The following CDK7 variants were observed in gnomAD, a reference collection of about 807,000 sequenced individuals.
The protein encoded by CDK7 is cyclin dependent kinase 7, also known as cyclin-dependent kinase 7.
Under a neutral mutation model 49.1 loss-of-function variants are expected in CDK7, and 25 were observed. The ratio of observed to expected loss-of-function variants is 0.51; its 90% CI spans 0.37 to 0.71. The LOEUF (loss-of-function observed/expected upper bound fraction) is 0.71, where lower values mean the gene tolerates loss of function less well. Ranked by LOEUF, CDK7 falls within the 30% of genes least tolerant of loss-of-function variation. The pLI is 0.00. For synonymous variants in CDK7, 107 were observed against 140.0 expected, an observed-to-expected ratio of 0.76 and a Z score of 1.67; for missense variants, 316 against 411.7, an observed-to-expected ratio of 0.77 and a Z score of 2.01.
At chr5:69,264,139 A>T (rs954418934) in intron 8 of CDK7, among the ~76,000 whole-genome samples, 1 of 152,180 alleles carries the variant, frequency 6.6e-6, no homozygotes, top group African/African-American at 2.4e-5. Context: ...CTAAAAAGAA[A>T]CTTGGAAAAA....
chr5:69,237,397 G>T (rs967553891), intron 2 of CDK7, among the ~76,000 whole-genome samples: 1 of 152,128 alleles, frequency 6.6e-6, no homozygotes, highest in Non-Finnish European at 1.5e-5. Flanking sequence ...TTCTTGGTTG[G>T]TATATTTTCC....
At chr5:69,259,763 TAC>T (rs1242446525) in intron 6 of CDK7, 53 bp from the exon 7 acceptor site, 6 of 1,092,720 alleles carry the variant, frequency 5.5e-6, no homozygotes, top group Non-Finnish European at 8.4e-6. Context: ...AATGTAGCAC[TAC>T]AGTGTTCTCC....
intron 8 of CDK7, among the ~76,000 whole-genome samples, chr5:69,264,181 C>T (rs573759418): frequency 2.0e-5 from 3 of 152,156 alleles, no homozygotes; most frequent in East Asian, 3.9e-4. Flanking sequence ...GAAAATTCAC[C>T]GCCCCCAGCC....
chr5:69,259,157 A>G, intron 6 of CDK7, among the ~76,000 whole-genome samples: 1 of 152,124 alleles, frequency 6.6e-6, no homozygotes, highest in East Asian at 1.9e-4. Context: ...GGAAAAAAAT[A>G]TAGAGATGGT....
chr5:69,268,880 C>T (rs1435300268), intron 8 of CDK7, among the ~76,000 whole-genome samples: 3 of 149,716 alleles, frequency 2.0e-5, no homozygotes, highest in Non-Finnish European at 3.0e-5. Context: ...TGGTGGCTCA[C>T]GCCTGTAATC....
chr5:69,244,812 CA>C (rs1749628659), intron 2 of CDK7, among the ~76,000 whole-genome samples: 1 of 151,994 alleles, frequency 6.6e-6, no homozygotes, highest in African/African-American at 2.4e-5. Context: ...GTATACTGAC[CA>C]TGGGTCTGTA....
intron 10 of CDK7, among the ~76,000 whole-genome samples, chr5:69,273,794 T>G (rs1751817948): frequency 6.6e-6 from 1 of 152,144 alleles, no homozygotes; most frequent in South Asian, 2.1e-4. Context: ...TCTCTTTAGG[T>G]TTGTTCCAGG....
In CDK7 at chr5:69,235,429, C is replaced by T. The variant is rs995029949; in HGVS notation, c.102C>T (p.Thr34=). The part of the protein sequence containing the change: ...ATVYKARDKN[T]NQIVAIKKIK... The stretch of plus-strand genomic sequence containing the variant: ...TTTACAAGGCCAGAGATAAGAACAC[C>T]AACCAAATTGTCGCCATTAAGAAAG... The change falls in exon 2 of 12, where the codon ACC becomes ACT. Residue 34 remains threonine (T), a synonymous_variant. Transcript: ENST00000256443. 4 of 1,602,634 alleles carry T rather than the reference C, an allele frequency of 2.5e-6. No individual in the cohort carries two copies. The highest frequency in any genetic ancestry group is 1.3e-5 in the African/African-American group (1 of 74,474).
At position 69,269,305 on chromosome 5, in the gene CDK7, T is replaced by C. The variant is rs1191223507; in HGVS notation, c.714+12T>C. On this transcript the variant is annotated intron_variant, in intron 9 of 11. Coordinates refer to ENST00000256443, the MANE Select transcript of CDK7 (RefSeq NM_001799.4). Reference sequence around the variant, plus strand: ...AGGAACAGTGGCCGGTAAGCCTTTATGCATTTTCTTTGAAATGTAATTAGG... The same window carrying C: ...AGGAACAGTGGCCGGTAAGCCTTTACGCATTTTCTTTGAAATGTAATTAGG... 16 of 1,584,438 alleles carry C rather than the reference T, an allele frequency of 1.0e-5. No individual in the cohort carries two copies. In the South Asian group the frequency reaches 1.7e-4, roughly 17 times the overall value.
At chr5:69,264,798 CTA>C (rs1298385259) in intron 8 of CDK7, among the ~76,000 whole-genome samples, 1 of 151,536 alleles carries the variant, frequency 6.6e-6, no homozygotes, top group Non-Finnish European at 1.5e-5. Flanking sequence ...TGGAGAAACA[CTA>C]TCTCTACTAA....
At chr5:69,248,790 C>CTT (rs61331502) in intron 2 of CDK7, among the ~76,000 whole-genome samples, 8,018 of 110,288 alleles carry the variant, frequency 0.073, 901 homozygotes, top group African/African-American at 0.25. Context: ...ACCTTCTTTT[C>CTT]TTTTTTTTTT....
intron 2 of CDK7, among the ~76,000 whole-genome samples, chr5:69,240,441 A>G (rs1428211739): frequency 6.6e-6 from 1 of 152,170 alleles, no homozygotes; most frequent in African/African-American, 2.4e-5. Context: ...AGTACGTTGG[A>G]GTGAAATGAC....
chr5:69,266,268 A>G (rs1469262833), intron 8 of CDK7, among the ~76,000 whole-genome samples: 2 of 152,128 alleles, frequency 1.3e-5, no homozygotes, highest in African/African-American at 4.8e-5. Flanking sequence ...TTCACACCGA[A>G]TTAGAGGAGA....
intron 7 of CDK7, among the ~76,000 whole-genome samples, chr5:69,261,592 G>A (rs375756609): frequency 2.6e-5 from 4 of 151,820 alleles, no homozygotes; most frequent in South Asian, 2.1e-4. Context: ...GTGCAATGGC[G>A]CGATCTCTGC....
upstream of CDK7, chr5:69,234,813 G>T: frequency 1.4e-6 from 1 of 696,620 alleles, no homozygotes. Flanking sequence ...AACCGCCTGG[G>T]CCTAGCGCAG....
At chr5:69,255,345 T>C in intron 4 of CDK7, 115 bp from the exon 5 acceptor site, 1 of 604,842 alleles carries the variant, frequency 1.7e-6, no homozygotes, top group Non-Finnish European at 3.0e-6. Context: ...ATTTAAGCTT[T>C]ATAGGGAATT....
At chr5:69,245,788 G>C (rs1294343194) in intron 2 of CDK7, among the ~76,000 whole-genome samples, 1 of 152,154 alleles carries the variant, frequency 6.6e-6, no homozygotes, top group African/African-American at 2.4e-5. Context: ...TAGGTTGTTT[G>C]TGTCTAGGAA....
intron 7 of CDK7, among the ~76,000 whole-genome samples, chr5:69,260,781 C>T (rs985214624): frequency 5.3e-5 from 8 of 152,024 alleles, no homozygotes; most frequent in Admixed American, 3.3e-4. Context: ...TTTCCAAGAC[C>T]GTTTTAAGGA....
At chr5:69,250,921 A>C (rs896971137) in intron 2 of CDK7, 1 of 453,936 alleles carries the variant, frequency 2.2e-6, no homozygotes, top group Non-Finnish European at 4.4e-6. Flanking sequence ...ACTTTAAGAA[A>C]TTCTGTGGGT....
Sources: allele counts gnomAD v4.1 joint callset (sites outside exome capture counted in the v4.1 genomes callset), GRCh38; gene constraint gnomAD v4.1.1; transcripts MANE v1.5; gene names NCBI Gene and HGNC (gene_info 2026-07-23, HGNC 2026-07-21).